PPARGC1A: variants seen among roughly 807,000 people sequenced by gnomAD.
PPARGC1A encodes peroxisome proliferator-activated receptor gamma coactivator 1-alpha.
Under a neutral mutation model 88.7 loss-of-function variants are expected in PPARGC1A, and 25 were observed. That is an observed-to-expected ratio of 0.28 (90% CI 0.21 to 0.39). PPARGC1A has a LOEUF of 0.39. Among genes scored for constraint, PPARGC1A ranks in the 10% least tolerant of loss-of-function variants. The pLI, the probability that PPARGC1A is intolerant of heterozygous loss-of-function variation, is 1.00. For synonymous variants in PPARGC1A, 363 were observed against 355.6 expected, an observed-to-expected ratio of 1.02 and a Z score of -0.24; for missense variants, 880 against 968.7, an observed-to-expected ratio of 0.91 and a Z score of 1.22.
At chr4:24,217,504 G>C in the PPARGC1A span, among the ~76,000 whole-genome samples, 2 of 152,006 alleles carry the variant, frequency 1.3e-5, no homozygotes, top group Non-Finnish European at 2.9e-5. Context: ...AAGGGGCCTG[G>C]TATAAGAGAA....
the PPARGC1A span, among the ~76,000 whole-genome samples, chr4:24,019,172 A>G: frequency 6.6e-5 from 10 of 152,150 alleles, no homozygotes; most frequent in Non-Finnish European, 1.2e-4. Context: ...ATTTTTCCCT[A>G]TTATAAACAA....
chr4:24,420,802 A>G, the PPARGC1A span, among the ~76,000 whole-genome samples: 1 of 152,112 alleles, frequency 6.6e-6, no homozygotes, highest in Non-Finnish European at 1.5e-5. Flanking sequence ...TTGCTATCAC[A>G]GAAAACCTTA....
chr4:23,908,532 C>A (rs769635383), upstream of PPARGC1A, among the ~76,000 whole-genome samples: 3 of 151,488 alleles, frequency 2.0e-5, no homozygotes, highest in Non-Finnish European at 4.4e-5. Context: ...AAAAAAAACA[C>A]CCTACTTGGA....
rs370371928 is a variant in PPARGC1A, at chr4:23,803,473, G to A, written c.2020-1128C>T. On this transcript the variant is annotated intron_variant, in intron 10 of 12. Coordinates refer to ENST00000264867, the MANE Select transcript of PPARGC1A (RefSeq NM_013261.5). The stretch of plus-strand genomic sequence containing the variant: ...CACAAGTGGAGTCAATATCATCATA[G>A]TCTGAAAGTCATCAGTAATTTATAA... Among the ~76,000 whole-genome samples, 6 of 152,050 alleles carry A rather than the reference G, an allele frequency of 3.9e-5. No homozygotes were observed. The South Asian group carries it at 1.2e-3, about 32-fold the overall frequency.
chr4:24,357,818 G>A, the PPARGC1A span, among the ~76,000 whole-genome samples: 8 of 152,088 alleles, frequency 5.3e-5, no homozygotes, highest in South Asian at 6.2e-4. Context: ...CTTGTCTGCC[G>A]CCACATAAGA....
At chr4:24,229,152 CTTTTTTT>C in the PPARGC1A span, among the ~76,000 whole-genome samples, 1 of 60,894 alleles carries the variant, frequency 1.6e-5, no homozygotes, top group Non-Finnish European at 3.1e-5. Context: ...GTATCTGGAC[CTTTTTTT>C]TTTTTTTTTT....
At chr4:24,092,287 G>A in the PPARGC1A span, among the ~76,000 whole-genome samples, 1 of 151,974 alleles carries the variant, frequency 6.6e-6, no homozygotes, top group African/African-American at 2.4e-5. Context: ...CAGAGGCTTC[G>A]GTTTGAATGA....
the PPARGC1A span, among the ~76,000 whole-genome samples, chr4:24,271,144 T>C: frequency 6.6e-6 from 1 of 152,356 alleles, no homozygotes; most frequent in East Asian, 1.9e-4. Context: ...GAAATCATTA[T>C]ACTGTATGAT....
chr4:23,827,874 A>G (rs1044782437), intron 5 of PPARGC1A, among the ~76,000 whole-genome samples: 1 of 152,192 alleles, frequency 6.6e-6, no homozygotes, highest in Admixed American at 6.5e-5. Flanking sequence ...GCAGGAGGTG[A>G]AGGAGGAGAA....
intron 2 of PPARGC1A, among the ~76,000 whole-genome samples, chr4:23,839,168 C>T (rs1361944428): frequency 6.6e-6 from 1 of 152,126 alleles, no homozygotes; most frequent in East Asian, 1.9e-4. Flanking sequence ...TATTGATTTG[C>T]TTCTATCACA....
chr4:24,325,253 T>A, the PPARGC1A span, among the ~76,000 whole-genome samples: 2 of 152,076 alleles, frequency 1.3e-5, no homozygotes, highest in Non-Finnish European at 2.9e-5. Flanking sequence ...TATTACCCAA[T>A]CTGCTCCCGA....
At chr4:24,132,897 C>T in the PPARGC1A span, among the ~76,000 whole-genome samples, 13,307 of 152,078 alleles carry the variant, frequency 0.088, 900 homozygotes, top group Non-Finnish European at 0.13. Flanking sequence ...GCATACATTA[C>T]TGCTGACATT....
At chr4:24,429,759 C>T in the PPARGC1A span, among the ~76,000 whole-genome samples, 1 of 149,828 alleles carries the variant, frequency 6.7e-6, no homozygotes, top group East Asian at 2.0e-4. Context: ...TCAAGTGATT[C>T]ACCTGCCTCA....
chr4:24,065,210 T>G, the PPARGC1A span, among the ~76,000 whole-genome samples: 1 of 152,100 alleles, frequency 6.6e-6, no homozygotes, highest in African/African-American at 2.4e-5. Flanking sequence ...GGTCCCTGCA[T>G]TGGAGCCTGC....
the PPARGC1A span, among the ~76,000 whole-genome samples, chr4:23,942,747 T>C: frequency 6.6e-6 from 1 of 152,208 alleles, no homozygotes; most frequent in Admixed American, 6.5e-5. Flanking sequence ...GCAAATTTCC[T>C]CAGTAAAGAT....
chr4:24,077,382 T>C, the PPARGC1A span, among the ~76,000 whole-genome samples: 1 of 152,144 alleles, frequency 6.6e-6, no homozygotes, highest in African/African-American at 2.4e-5. Context: ...ATTTTCTTAT[T>C]TAATTCAATG....
chr4:23,934,989 A>G, the PPARGC1A span, among the ~76,000 whole-genome samples: 2 of 151,892 alleles, frequency 1.3e-5, no homozygotes, highest in Non-Finnish European at 2.9e-5. Flanking sequence ...TGTCTTTTCC[A>G]CTCCCCTACA....
At chr4:24,160,167 A>G in the PPARGC1A span, among the ~76,000 whole-genome samples, 1 of 152,242 alleles carries the variant, frequency 6.6e-6, no homozygotes, top group Non-Finnish European at 1.5e-5. Flanking sequence ...TCTCTCAGTC[A>G]GAAGAGGTAC....
At chr4:23,840,581 C>G (rs956363166) in intron 2 of PPARGC1A, among the ~76,000 whole-genome samples, 3 of 152,042 alleles carry the variant, frequency 2.0e-5, no homozygotes, top group African/African-American at 4.8e-5. Context: ...TCTTATTTTT[C>G]CCTTTGGCAT....
Sources: allele counts gnomAD v4.1 joint callset (sites outside exome capture counted in the v4.1 genomes callset), GRCh38; gene constraint gnomAD v4.1.1; transcripts MANE v1.5; gene names NCBI Gene and HGNC (gene_info 2026-07-23, HGNC 2026-07-21).